Variants in CHD2 observed in about 807,000 individuals in gnomAD.
CHD2 encodes the protein ATP-dependent chromatin remodeler CHD2.
Under a neutral mutation model 243.9 loss-of-function variants are expected in CHD2, and 28 were observed. The ratio of observed to expected loss-of-function variants is 0.11; its 90% CI spans 0.09 to 0.16. The LOEUF (loss-of-function observed/expected upper bound fraction) is 0.16. Among genes scored for constraint, CHD2 ranks in the 10% least tolerant of loss-of-function variants. The probability of loss-of-function intolerance (pLI) is 1.00; values close to 1 mark genes in which losing one functional copy is unlikely to be tolerated. For synonymous variants in CHD2, 775 were observed against 779.0 expected (o/e 0.99, Z 0.09); for missense variants, 1,386 against 2,209.8 (o/e 0.63, Z 7.47).
At chr15:92,904,360 GC>G in intron 2 of CHD2, 7 of 803,980 alleles carry the variant, frequency 8.7e-6, no homozygotes, top group Non-Finnish European at 1.1e-5. Flanking sequence ...CAACGGCGGC[GC>G]CTTCGGCAGC....
At chr15:92,985,354 C>A in intron 25 of CHD2, 144 bp from the exon 26 acceptor site, 1 of 685,304 alleles carries the variant, frequency 1.5e-6, no homozygotes, top group Non-Finnish European at 2.3e-6. Flanking sequence ...AGACCTGTCT[C>A]CCCTTATTTG....
chr15:93,009,039 A>G (rs927359136), intron 34 of CHD2, 106 bp from the exon 35 acceptor site: 18 of 1,248,630 alleles, frequency 1.4e-5, no homozygotes, highest in Non-Finnish European at 1.8e-5. Context: ...TCTAGCAATT[A>G]TATGGCATAG....
chr15:93,009,414 TAAGAAATC>T, intron 35 of CHD2, 91 bp downstream of exon 35: 6 of 1,287,218 alleles, frequency 4.7e-6, no homozygotes, highest in Non-Finnish European at 6.3e-6. Flanking sequence ...CATAGCCACC[TAAGAAATC>T]TTTCTCCCAG....
chr15:92,908,064 TCC>T (rs2141710596), intron 2 of CHD2, among the ~76,000 whole-genome samples: 1 of 150,596 alleles, frequency 6.6e-6, no homozygotes, highest in Non-Finnish European at 1.5e-5. Context: ...ATATGACTCT[TCC>T]TGGACTACAA....
chr15:93,007,775 A>G (rs900211380), intron 34 of CHD2, among the ~76,000 whole-genome samples: 3 of 152,254 alleles, frequency 2.0e-5, no homozygotes, highest in Admixed American at 1.3e-4. Context: ...TTGGTCCCTA[A>G]TTTTACTTTT....
chr15:92,924,495 C>T lies in CHD2; in HGVS notation c.237C>T (p.Leu79=). ...CAGGTTCCAAATCCCAGCCAGTCCT[C>T]CCAGAAGCCAAAGAGAAGCCAGCCT... ...ESAGSKSQPV[L]PEAKEKPASK... The change falls in exon 3 of 39, where the codon CTC becomes CTT. Residue 79 remains leucine (L), a synonymous_variant. Transcript: ENST00000394196. The T allele has an allele frequency of 1.9e-6, 3 of 1,614,070 alleles. No homozygotes were observed. The highest frequency in any genetic ancestry group is 2.5e-6 in the Non-Finnish European group (3 of 1,179,996).
intron 2 of CHD2, among the ~76,000 whole-genome samples, chr15:92,910,838 G>A (rs912379568): frequency 2.6e-5 from 4 of 152,204 alleles, no homozygotes; most frequent in African/African-American, 7.2e-5. Flanking sequence ...ATTCTGAGAA[G>A]TATGTCGTTA....
At chr15:93,009,510 CTT>C (rs1445000028) in intron 35 of CHD2, among the ~76,000 whole-genome samples, 187 bp downstream of exon 35, 4 of 152,186 alleles carry the variant, frequency 2.6e-5, no homozygotes, top group Non-Finnish European at 5.9e-5. Context: ...TGAGACCAGC[CTT>C]TTGAAGGGGT....
chr15:93,009,968 G>C (rs573825095), intron 35 of CHD2, among the ~76,000 whole-genome samples: 1 of 152,214 alleles, frequency 6.6e-6, no homozygotes, highest in Admixed American at 6.5e-5. Flanking sequence ...CGAGATTTTG[G>C]TGCACCCATC....
At chr15:92,925,790 G>A (rs1353619078) in intron 3 of CHD2, among the ~76,000 whole-genome samples, 4 of 152,150 alleles carry the variant, frequency 2.6e-5, no homozygotes, top group Admixed American at 2.0e-4. Flanking sequence ...TGCTAAGGCC[G>A]TTACAGAATC....
At chr15:92,911,827 T>TCTTGCATAA (rs1479769158) in intron 2 of CHD2, among the ~76,000 whole-genome samples, 1 of 152,174 alleles carries the variant, frequency 6.6e-6, no homozygotes, top group Admixed American at 6.5e-5. Flanking sequence ...TCTTGCATAA[T>TCTTGCATAA]TCTGTAGTTT....
intron 26 of CHD2, 96 bp from the exon 27 acceptor site, chr15:92,991,380 T>G (rs1300638870): frequency 1.2e-6 from 1 of 821,970 alleles, no homozygotes; most frequent in Non-Finnish European, 1.9e-6. Context: ...TTTTGACAAT[T>G]TGCATGGCTC....
At position 92,941,890 on chromosome 15, in the gene CHD2, A is replaced by T; in HGVS notation, c.761A>T (p.Asp254Val). 6.2e-7 allele frequency: 1 copy of T among 1,613,372 alleles called. No homozygotes were observed. Among genetic ancestry groups the T allele is most frequent in the South Asian group, 1.1e-5 (1 of 91,054 alleles). Residue 254 changes from aspartate to valine, a missense_variant, in exon 8 of 39, where the codon GAT becomes GTT. By Grantham distance (152) the Asp-to-Val change is radical (BLOSUM62 -3). Around this residue, in one of 19 missense-constraint regions of CHD2, gnomAD observed 200 missense variants for 292.5 expected, o/e 0.68. Coordinates refer to ENST00000394196, the MANE Select transcript of CHD2 (RefSeq NM_001271.4). ...ATTGAAATGACTGGAGAAGGAGTTG[A>T]TGAACAGCAAGATAATAGTGAAACT... ...DLIEMTGEGV[D>V]EQQDNSETIE...
chr15:92,981,292 A>T, intron 23 of CHD2, 73 bp from the exon 24 acceptor site: 1 of 1,001,556 alleles, frequency 1.0e-6, no homozygotes, highest in South Asian at 1.4e-5. Flanking sequence ...AGTAAATACG[A>T]ATAATTTCTG....
At chr15:92,921,738 C>T (rs1567125703) in intron 2 of CHD2, among the ~76,000 whole-genome samples, 1 of 152,108 alleles carries the variant, frequency 6.6e-6, no homozygotes, top group Non-Finnish European at 1.5e-5. Context: ...ATTTATAGGG[C>T]ACTGCTTTCA....
At chr15:93,014,552 CT>C in intron 36 of CHD2, 143 bp from the exon 37 acceptor site, 109 of 682,566 alleles carry the variant, frequency 1.6e-4, no homozygotes, top group Non-Finnish European at 2.0e-4. Context: ...ATTTATGAGC[CT>C]TTTTTTTGTT....
chr15:92,945,278 G>C (rs1230940590), intron 10 of CHD2: 1 of 152,234 alleles, frequency 6.6e-6, no homozygotes, highest in African/African-American at 2.4e-5. Context: ...AAAATGAGAG[G>C]GGATAGCAAG....
Position 92,933,764 on chromosome 15 carries a change from C to T in CHD2, c.444-3754C>T, listed in dbSNP as rs535684529. On this transcript the variant is annotated intron_variant, in intron 5 of 38. Transcript: ENST00000394196. ...GGGACTGCAGGCGCACACCACCACA[C>T]CAAGCTAATTTCTTAATTTTTTGTA... 2.6e-5 allele frequency among the ~76,000 whole-genome samples: 4 copies of T among 152,284 alleles called. No individual in the cohort carries two copies. In the East Asian group the frequency reaches 5.8e-4, roughly 22 times the overall value.
chr15:92,911,663 A>C (rs2052737842), intron 2 of CHD2, among the ~76,000 whole-genome samples: 2 of 152,098 alleles, frequency 1.3e-5, no homozygotes, highest in Admixed American at 1.3e-4. Context: ...TGAACCTGGG[A>C]GGCGGAAGTT....
Sources: allele counts gnomAD v4.1 joint callset (sites outside exome capture counted in the v4.1 genomes callset), GRCh38; gene constraint gnomAD v4.1.1; regional missense constraint gnomAD v4.1.1; transcripts MANE v1.5; gene names NCBI Gene and HGNC (gene_info 2026-07-23, HGNC 2026-07-21).